TRPA1: variants seen among roughly 807,000 people sequenced by gnomAD.
The protein encoded by TRPA1 is transient receptor potential cation channel subfamily A member 1.
A neutral mutation model predicts 131.3 loss-of-function variants in TRPA1; 129 were observed. The observed-to-expected ratio is 0.98, with a 90% CI of 0.85 to 1.14. The LOEUF (loss-of-function observed/expected upper bound fraction) is 1.14, where lower values mean the gene tolerates loss of function less well. Among genes scored for constraint, TRPA1 ranks in the 50% most tolerant of loss-of-function variants. The pLI, the probability that TRPA1 is intolerant of heterozygous loss-of-function variation, is 0.00. For missense variants in TRPA1, 1,304 were observed against 1,354.2 expected, an observed-to-expected ratio of 0.96 and a Z score of 0.58; for synonymous variants, 441 against 451.7, an observed-to-expected ratio of 0.98 and a Z score of 0.30.
At chr8:72,062,144 T>C (rs1031809358) in intron 6 of TRPA1, 4 of 253,954 alleles carry the variant, frequency 1.6e-5, no homozygotes, top group African/African-American at 4.4e-5. Context: ...CATTTCCATA[T>C]TGAAGGGACA....
chr8:72,047,005 C>G (rs1702351383), intron 16 of TRPA1, 143 bp downstream of exon 16: 1 of 661,992 alleles, frequency 1.5e-6, no homozygotes, highest in African/African-American at 1.8e-5. Flanking sequence ...AAAATTCTCT[C>G]ACAAGTAGAT....
the TRPA1 span, among the ~76,000 whole-genome samples, chr8:72,082,528 AC>A: frequency 6.6e-6 from 1 of 152,186 alleles, no homozygotes; most frequent in African/African-American, 2.4e-5. Flanking sequence ...TTCTTTTAGA[AC>A]ATCTAATAAG....
rs754006549 is a variant in TRPA1 at position 72,068,996 on chromosome 8, C to A, written c.444+27G>T. 2.5e-6 allele frequency: 4 copies of A among 1,613,964 alleles called. No homozygotes were observed. In the East Asian group the frequency reaches 6.7e-5, roughly 27 times the overall value. Reference sequence around the variant, plus strand: ...CCCAGCACCTGCACCGCCGGTCAGGCCCTTTGGAGCCGGCCAGTAGCCTTA... The same window carrying A: ...CCCAGCACCTGCACCGCCGGTCAGGACCTTTGGAGCCGGCCAGTAGCCTTA... On this transcript the variant is annotated intron_variant, in intron 3 of 26. Transcript: ENST00000262209.
intron 19 of TRPA1, among the ~76,000 whole-genome samples, chr8:72,038,459 T>C (rs1812136224): frequency 6.6e-6 from 1 of 152,068 alleles, no homozygotes. Context: ...CACAGTGTTA[T>C]ACCACCATCA....
chr8:72,070,269 T>C (rs1016756847), intron 2 of TRPA1, among the ~76,000 whole-genome samples: 3 of 152,142 alleles, frequency 2.0e-5, no homozygotes, highest in African/African-American at 4.8e-5. Context: ...CTCTCCTTTT[T>C]AAAATGTGTC....
At chr8:72,066,593 C>T (rs931269231) in intron 3 of TRPA1, among the ~76,000 whole-genome samples, 3 of 152,166 alleles carry the variant, frequency 2.0e-5, no homozygotes, top group African/African-American at 4.8e-5. Context: ...AAATTAAACT[C>T]AGATTTTAGT....
chr8:72,059,789 A>G lies in TRPA1; in HGVS notation c.945-351T>C, dbSNP rs142294178. Reference sequence around the variant, plus strand: ...ACTGGTATTGCTATGATCCTGGGGAATAGAACAGCTACATGTAAGGTGTCC... The same window carrying G: ...ACTGGTATTGCTATGATCCTGGGGAGTAGAACAGCTACATGTAAGGTGTCC... On this transcript the variant is annotated intron_variant, in intron 7 of 26. Transcript: ENST00000262209. 2.2e-3 allele frequency among the ~76,000 whole-genome samples: 335 copies of G among 152,320 alleles called. 1 individual carries two copies. Among genetic ancestry groups the G allele is most frequent in the African/African-American group, 7.3e-3 (305 of 41,572 alleles).
intron 2 of TRPA1, among the ~76,000 whole-genome samples, chr8:72,071,097 C>T (rs1806048639): frequency 6.6e-6 from 1 of 152,174 alleles, no homozygotes; most frequent in African/African-American, 2.4e-5. Context: ...TCCCTGTCTC[C>T]TTTTTGTAGC....
At chr8:72,083,823 A>T in the TRPA1 span, among the ~76,000 whole-genome samples, 1 of 152,180 alleles carries the variant, frequency 6.6e-6, no homozygotes, top group African/African-American at 2.4e-5. Context: ...TCTGTTTCCC[A>T]TGTGGTTTGT....
intron 22 of TRPA1, 38 bp downstream of exon 22, chr8:72,034,210 C>G: frequency 6.4e-7 from 1 of 1,573,712 alleles, no homozygotes; most frequent in Non-Finnish European, 8.6e-7. Flanking sequence ...TTCCATAATT[C>G]ACAGCGACAA....
In TRPA1 at chr8:72,075,283, C is replaced by T; in HGVS notation, c.111+16G>A. The T allele has an allele frequency of 1.2e-6, 2 of 1,604,682 alleles. No individual in the cohort carries two copies. Among genetic ancestry groups the T allele is most frequent in the Non-Finnish European group, 1.7e-6 (2 of 1,172,332 alleles). ...GCACGTCGGAACCCCTCCAGACCCG[C>T]GAGCCCCCAGAGTACCTTAAGCGAT... is the stretch of plus-strand genomic sequence containing the variant. On this transcript the variant is annotated intron_variant, in intron 1 of 26. Coordinates refer to ENST00000262209, the MANE Select transcript of TRPA1 (RefSeq NM_007332.3).
At chr8:72,087,833 T>C in the TRPA1 span, among the ~76,000 whole-genome samples, 206 of 152,262 alleles carry the variant, frequency 1.4e-3, 2 homozygotes, top group South Asian at 0.011. Context: ...TGCTCATTTT[T>C]GTATTTTAGA....
At chr8:72,052,877 A>G in intron 13 of TRPA1, 112 bp from the exon 14 acceptor site, 1 of 1,248,610 alleles carries the variant, frequency 8.0e-7, no homozygotes, top group Non-Finnish European at 1.1e-6. Context: ...CAAAATACAT[A>G]GCACTTAAAA....
At chr8:72,053,499 A>T (rs886566989) in intron 13 of TRPA1, 11 of 505,386 alleles carry the variant, frequency 2.2e-5, no homozygotes, top group Non-Finnish European at 4.0e-5. Flanking sequence ...TTTACCATCA[A>T]ATTTCATTGG....
chr8:72,073,895 C>T (rs141264839), intron 1 of TRPA1, among the ~76,000 whole-genome samples: 1 of 152,146 alleles, frequency 6.6e-6, no homozygotes, highest in Non-Finnish European at 1.5e-5. Context: ...TTAAGAAGGA[C>T]AAAAAATGTC....
chr8:72,075,024 T>G (rs1806141307), intron 1 of TRPA1, among the ~76,000 whole-genome samples: 1 of 152,170 alleles, frequency 6.6e-6, no homozygotes, highest in African/African-American at 2.4e-5. Flanking sequence ...CCCGATCTTG[T>G]GCCAGATGAT....
At chr8:72,026,684 A>T (rs1193197670) in intron 24 of TRPA1, among the ~76,000 whole-genome samples, 1 of 152,208 alleles carries the variant, frequency 6.6e-6, no homozygotes, top group Non-Finnish European at 1.5e-5. Context: ...ATTTTCAGGG[A>T]TAGCAAATGA....
chr8:72,048,048 T>C (rs1805392203), intron 15 of TRPA1, among the ~76,000 whole-genome samples: 1 of 147,502 alleles, frequency 6.8e-6, no homozygotes, highest in Admixed American at 6.8e-5. Context: ...TAGAGGGGGG[T>C]GGACAGGATG....
At chr8:72,067,309 T>C (rs1216044184) in intron 3 of TRPA1, among the ~76,000 whole-genome samples, 1 of 152,194 alleles carries the variant, frequency 6.6e-6, no homozygotes. Flanking sequence ...CTCCTCCTTC[T>C]ATTCCTGTCA....
Sources: allele counts gnomAD v4.1 joint callset (sites outside exome capture counted in the v4.1 genomes callset), GRCh38; gene constraint gnomAD v4.1.1; transcripts MANE v1.5; gene names NCBI Gene and HGNC (gene_info 2026-07-23, HGNC 2026-07-21).